Variants in SLC9C2 observed in about 807,000 individuals in gnomAD.
The protein encoded by SLC9C2 is sodium/hydrogen exchanger 11.
SLC9C2 carries 75 observed loss-of-function variants against 140.2 expected under a neutral mutation model. The ratio of observed to expected loss-of-function variants is 0.53; its 90% CI spans 0.44 to 0.65. SLC9C2 has a LOEUF of 0.65. SLC9C2 is among the 30% of genes least tolerant of loss of function. SLC9C2 has a pLI of 0.00. For missense variants in SLC9C2, 1,074 were observed against 1,331.8 expected (o/e 0.81, Z 3.01); for synonymous variants, 375 against 420.9 (o/e 0.89, Z 1.34).
At chr1:173,502,495 C>T (rs756161805) in intron 27 of SLC9C2, among the ~76,000 whole-genome samples, 1 of 152,118 alleles carries the variant, frequency 6.6e-6, no homozygotes, top group Non-Finnish European at 1.5e-5. Context: ...GAGACCTCTA[C>T]AGTCATGAGC....
chr1:173,501,119 TA>T, intron 27 of SLC9C2, 22 bp from the exon 28 acceptor site: 1 of 1,531,248 alleles, frequency 6.5e-7, no homozygotes, highest in Non-Finnish European at 8.8e-7. Flanking sequence ...AGTCAAAAGT[TA>T]AATATTAGCC....
intron 13 of SLC9C2, among the ~76,000 whole-genome samples, chr1:173,545,645 G>A (rs1347424684): frequency 6.6e-6 from 1 of 152,180 alleles, no homozygotes; most frequent in Non-Finnish European, 1.5e-5. Context: ...CAGATCATAA[G>A]ATACTGGACT....
At chr1:173,595,537 T>C (rs1325542944) in intron 4 of SLC9C2, among the ~76,000 whole-genome samples, 2 of 152,128 alleles carry the variant, frequency 1.3e-5, no homozygotes, top group African/African-American at 2.4e-5. Context: ...CCTATTGCCA[T>C]ACCAAACGAA....
chr1:173,539,370 AAGGGGTG>A (rs776583197), intron 13 of SLC9C2, among the ~76,000 whole-genome samples: 37 of 152,220 alleles, frequency 2.4e-4, no homozygotes, highest in Non-Finnish European at 4.3e-4. Context: ...CAAGAATGGA[AAGGGGTG>A]TATTTGACAA....
chr1:173,554,814 A>G lies in SLC9C2; in HGVS notation c.1216T>C (p.Phe406Leu). 1 of 1,553,062 alleles carries G rather than the reference A, an allele frequency of 6.4e-7. No homozygotes were observed. Among genetic ancestry groups the G allele is most frequent in the Non-Finnish European group, 8.9e-7 (1 of 1,128,512 alleles). ...AERKVEVPQM[F>L]ILYVQVISLL... ...GATATTACTTGTACATAGAGTATAA[A>G]CTAAAAACAAAGCACATAAATAGTT... Residue 406 changes from phenylalanine (F) to leucine (L), a missense_variant and splice_region_variant, in exon 11 of 28, where the codon TTT (phenylalanine) becomes CTT (leucine). Phe to Leu is a conservative substitution (Grantham distance 22, BLOSUM62 0). Coordinates refer to ENST00000367714, the MANE Select transcript of SLC9C2 (RefSeq NM_178527.4).
At chr1:173,534,126 A>T (rs1340278214) in intron 16 of SLC9C2, among the ~76,000 whole-genome samples, 1 of 152,184 alleles carries the variant, frequency 6.6e-6, no homozygotes, top group African/African-American at 2.4e-5. Context: ...ACTAATAATT[A>T]ACTCACATTT....
At chr1:173,531,290 C>T (rs1233970352) in intron 17 of SLC9C2, among the ~76,000 whole-genome samples, 3 of 152,172 alleles carry the variant, frequency 2.0e-5, no homozygotes, top group Non-Finnish European at 4.4e-5. Context: ...ATGACTAGTT[C>T]AGAACATTGC....
rs369776717 is a variant in SLC9C2 at position 173,601,823 on chromosome 1, T to A, written c.-47A>T. 5.2e-5 allele frequency: 83 copies of A among 1,608,090 alleles called. No homozygotes were observed. In the African/African-American group the frequency reaches 1.1e-3, roughly 21 times the overall value. On this transcript the variant is annotated 5_prime_UTR_variant, in exon 2 of 28. Coordinates refer to ENST00000367714, the MANE Select transcript of SLC9C2 (RefSeq NM_178527.4). ...GACCTAACTTGATGGAGTGGTTTGGTTATTATTGACACTTTCACTTCTGCA... is the reference window on the plus strand; with the variant it reads ...GACCTAACTTGATGGAGTGGTTTGGATATTATTGACACTTTCACTTCTGCA...
intron 25 of SLC9C2, among the ~76,000 whole-genome samples, chr1:173,506,598 C>T (rs1659658265): frequency 6.6e-6 from 1 of 152,192 alleles, no homozygotes; most frequent in African/African-American, 2.4e-5. Context: ...TTGGCACAGC[C>T]CCACGCCAGG....
Position 173,601,785 on chromosome 1 carries a change from C to T in SLC9C2, c.-9G>A. 1 of 1,613,356 alleles carries T rather than the reference C, an allele frequency of 6.2e-7. No individual in the cohort carries two copies. The highest frequency in any genetic ancestry group is 2.2e-5 in the East Asian group (1 of 44,862). Reference sequence around the variant, plus strand: ...CAGAAGTAAGAACTCATTTTTGCTGCTGCTTTTCCCCAGACCTAACTTGAT... The same window carrying T: ...CAGAAGTAAGAACTCATTTTTGCTGTTGCTTTTCCCCAGACCTAACTTGAT... On this transcript the variant is annotated 5_prime_UTR_variant, in exon 2 of 28. Coordinates refer to ENST00000367714, the MANE Select transcript of SLC9C2 (RefSeq NM_178527.4).
chr1:173,504,477 C>A (rs569988697), intron 26 of SLC9C2, among the ~76,000 whole-genome samples: 2 of 152,128 alleles, frequency 1.3e-5, no homozygotes, highest in African/African-American at 4.8e-5. Context: ...TGCAAATCCT[C>A]CCCCCAAAGC....
intron 10 of SLC9C2, among the ~76,000 whole-genome samples, chr1:173,557,085 C>T (rs1198605354): frequency 2.0e-5 from 3 of 152,162 alleles, no homozygotes; most frequent in Non-Finnish European, 4.4e-5. Context: ...CTCAAGATCA[C>T]CCAGCCTGTG....
intron 15 of SLC9C2, among the ~76,000 whole-genome samples, chr1:173,534,928 C>T (rs1394330731): frequency 6.6e-6 from 1 of 151,450 alleles, no homozygotes; most frequent in Non-Finnish European, 1.5e-5. Flanking sequence ...GCCACAGTAC[C>T]CTGGAAACAA....
At chr1:173,554,642 G>T in intron 11 of SLC9C2, 91 bp downstream of exon 11, 1 of 767,520 alleles carries the variant, frequency 1.3e-6, no homozygotes, top group South Asian at 1.7e-5. Flanking sequence ...CCAATTCCTT[G>T]AGCTTCATGA....
Position 173,576,669 on chromosome 1 carries a change from T to G in SLC9C2, c.894A>C (p.Val298=). ...SLTFKPKIEL[V]ITKFLRIFSS... is the part of the protein sequence containing the mutation. ...CACGATAGGAAACTTACTTAGTAATTACAAGTTCGATCTTCGGTTTAAAAG... is the reference window on the plus strand; with the variant it reads ...CACGATAGGAAACTTACTTAGTAATGACAAGTTCGATCTTCGGTTTAAAAG... The change falls in exon 8 of 28, where the codon GTA becomes GTC. Residue 298 remains valine (V), a synonymous_variant. Transcript: ENST00000367714. 1 of 1,609,444 alleles carries G rather than the reference T, an allele frequency of 6.2e-7. No homozygotes were observed. Among genetic ancestry groups the G allele is most frequent in the Middle Eastern group, 1.7e-4 (1 of 6,040 alleles).
At chr1:173,564,077 T>C (rs1017685287) in intron 9 of SLC9C2, among the ~76,000 whole-genome samples, 1 of 152,232 alleles carries the variant, frequency 6.6e-6, no homozygotes, top group Non-Finnish European at 1.5e-5. Flanking sequence ...TGTGTATATG[T>C]ACCACATTTT....
At position 173,505,343 on chromosome 1, in the gene SLC9C2, A is replaced by T. The variant is rs10912627; in HGVS notation, c.3226-12T>A. 6.2e-7 allele frequency: 1 copy of T among 1,607,558 alleles called. No individual in the cohort carries two copies. The highest frequency in any genetic ancestry group is 1.3e-5 in the African/African-American group (1 of 74,710). On this transcript the variant is annotated splice_polypyrimidine_tract_variant and intron_variant, in intron 25 of 27. Transcript: ENST00000367714. ...GAAGTTCCCTGAACCTAGAGGAGAA[A>T]AGTCAAAATTAGTCAAAAGAGCATT...
At chr1:173,544,756 G>A (rs1351704125) in intron 13 of SLC9C2, among the ~76,000 whole-genome samples, 1 of 152,052 alleles carries the variant, frequency 6.6e-6, no homozygotes, top group African/African-American at 2.4e-5. Flanking sequence ...CTATCACAAG[G>A]ACAAAAAACC....
Position 173,548,512 on chromosome 1 carries a change from T to C in SLC9C2, c.1338A>G (p.Gln446=), listed in dbSNP as rs778332424. The C allele has an allele frequency of 6.2e-7, 1 of 1,613,856 alleles. No homozygotes were observed. The highest frequency in any genetic ancestry group is 1.7e-5 in the Admixed American group (1 of 59,994). The stretch of plus-strand genomic sequence containing the variant: ...TCTCCTGTATGTGCTGAGTGGCATT[T>C]TGCAAGATCATTTGTCTTGGGAGGG... ...VLSLPRQMIL[Q]NATQHIQEIV... is the part of the protein sequence containing the mutation. Residue 446 remains glutamine, a synonymous_variant, in exon 12 of 28, where the codon CAA becomes CAG. Transcript: ENST00000367714.
Sources: allele counts gnomAD v4.1 joint callset (sites outside exome capture counted in the v4.1 genomes callset), GRCh38; gene constraint gnomAD v4.1.1; transcripts MANE v1.5; gene names NCBI Gene and HGNC (gene_info 2026-07-23, HGNC 2026-07-21).